Variants in KNTC1 observed in about 807,000 individuals in gnomAD.
KNTC1 encodes the protein kinetochore associated 1.
KNTC1 carries 253 observed loss-of-function variants against 314.4 expected under a neutral mutation model. The observed-to-expected ratio is 0.80, with a 90% CI of 0.73 to 0.89. The LOEUF (loss-of-function observed/expected upper bound fraction) is 0.89. Among genes scored for constraint, KNTC1 ranks in the 40% least tolerant of loss-of-function variants. The pLI, the probability that KNTC1 is intolerant of heterozygous loss-of-function variation, is 0.00. For synonymous variants in KNTC1, 901 were observed against 901.4 expected (o/e 1.00, Z 0.01); for missense variants, 2,475 against 2,572.9 (o/e 0.96, Z 0.82).
chr12:122,580,459 T>A (rs543228737), intron 32 of KNTC1, 144 bp from the exon 33 acceptor site: 3 of 521,678 alleles, frequency 5.8e-6, no homozygotes, highest in African/African-American at 4.0e-5. Flanking sequence ...TCTTTTGTAC[T>A]TAGTTACTGT....
rs920452908 is a variant in KNTC1, at chr12:122,541,279, G to A, written c.446-771G>A. ...TTTGTGCTTGCCTGCCTGCCTGCCT[G>A]CCTGCCTGCCTTCCTTCCTTCCTTC... is the stretch of plus-strand genomic sequence containing the variant. On this transcript the variant is annotated intron_variant, in intron 5 of 63. Coordinates refer to ENST00000333479, the MANE Select transcript of KNTC1 (RefSeq NM_014708.6). 2.0e-5 allele frequency among the ~76,000 whole-genome samples: 2 copies of A among 102,430 alleles called. 1 individual carries two copies. The highest frequency in any genetic ancestry group is 8.3e-5 in the African/African-American group (2 of 23,958). The allele number at this position is 102,430 out of a possible 152,430, so 67.2% of individuals were successfully genotyped here.
At chr12:122,594,524 A>G in intron 43 of KNTC1, 139 bp downstream of exon 43, 3 of 600,692 alleles carry the variant, frequency 5.0e-6, no homozygotes, top group East Asian at 5.6e-5. Flanking sequence ...CTGAGTAAAT[A>G]TGAAATCAGA....
At chr12:122,591,554 A>G (rs1161133244) in intron 42 of KNTC1, 101 bp downstream of exon 42, 2 of 730,646 alleles carry the variant, frequency 2.7e-6, no homozygotes, top group East Asian at 5.1e-5. Context: ...AGGAGAGTGT[A>G]TGTGTACTGC....
chr12:122,612,578 C>A (rs1197042693), intron 53 of KNTC1, among the ~76,000 whole-genome samples: 1 of 151,722 alleles, frequency 6.6e-6, no homozygotes, highest in African/African-American at 2.4e-5. Context: ...GCTACCACAC[C>A]CGGCTAATTT....
rs1566021603 is a variant in KNTC1, at chr12:122,618,549, A to T, written c.6149+4A>T. The T allele has an allele frequency of 1.2e-6, 2 of 1,608,536 alleles. No individual in the cohort carries two copies. The highest frequency in any genetic ancestry group is 3.3e-5 in the Admixed American group (2 of 59,886). On this transcript the variant is annotated splice_donor_region_variant and intron_variant, in intron 59 of 63. Transcript: ENST00000333479. ...AGAGTCTCATCGCTGTCCTCGAGTA[A>T]GCAAAATATTTGTTCTACCAAAAAA...
At chr12:122,621,817 C>T (rs555176921) in intron 60 of KNTC1, 64 bp from the exon 61 acceptor site, 37 of 1,053,300 alleles carry the variant, frequency 3.5e-5, no homozygotes, top group Middle Eastern at 2.0e-4. Flanking sequence ...ACCTGATCAA[C>T]GGCTCTTGCT....
intron 6 of KNTC1, among the ~76,000 whole-genome samples, chr12:122,542,420 C>A (rs766905830): frequency 2.0e-5 from 3 of 152,108 alleles, no homozygotes; most frequent in Non-Finnish European, 4.4e-5. Flanking sequence ...ATAGTAAATA[C>A]TTTTTAATGT....
intron 35 of KNTC1, 134 bp from the exon 36 acceptor site, chr12:122,584,759 C>G: frequency 1.7e-6 from 1 of 582,178 alleles, no homozygotes; most frequent in East Asian, 3.0e-5. Flanking sequence ...TTAGGGTAGT[C>G]AAAGCTATAT....
At chr12:122,588,298 C>A (rs1411053856) in intron 39 of KNTC1, among the ~76,000 whole-genome samples, 2 of 152,132 alleles carry the variant, frequency 1.3e-5, no homozygotes, top group Admixed American at 6.5e-5. Context: ...TATCATTGAG[C>A]ATCATTGAAG....
In KNTC1 at chr12:122,613,181, G is replaced by C; in HGVS notation, c.5692G>C (p.Asp1898His). 1 of 1,613,080 alleles carries C rather than the reference G, an allele frequency of 6.2e-7. No individual in the cohort carries two copies. The highest frequency in any genetic ancestry group is 8.5e-7 in the Non-Finnish European group (1 of 1,179,164). ...RALQCLFYLA[D>H]KETIESLFKK... Reference sequence around the variant, plus strand: ...TCTTCAGTGTCTCTTCTATTTGGCTGACAAGGAAACTATAGAATCTCTCTT... The same window carrying C: ...TCTTCAGTGTCTCTTCTATTTGGCTCACAAGGAAACTATAGAATCTCTCTT... The change falls in exon 54 of 64, where the codon GAC becomes CAC. Residue 1898 changes from aspartate to histidine, a missense_variant. Transcript: ENST00000333479.
chr12:122,547,562 C>G (rs764342951), intron 11 of KNTC1, 32 bp downstream of exon 11: 2 of 1,314,900 alleles, frequency 1.5e-6, no homozygotes, highest in Admixed American at 3.6e-5. Context: ...TAGTCATTTC[C>G]CTTCTGTTAG....
intron 18 of KNTC1, among the ~76,000 whole-genome samples, chr12:122,561,083 G>A (rs747488892): frequency 5.9e-5 from 9 of 152,282 alleles, no homozygotes; most frequent in Non-Finnish European, 8.8e-5. Context: ...AGGCCCAGGA[G>A]AGCAGAGCAC....
chr12:122,588,316 A>G (rs1483905484), intron 39 of KNTC1, among the ~76,000 whole-genome samples: 1 of 152,198 alleles, frequency 6.6e-6, no homozygotes, highest in Non-Finnish European at 1.5e-5. Flanking sequence ...AAGAGATTCT[A>G]GAAGACAAAC....
intron 3 of KNTC1, 34 bp downstream of exon 3, chr12:122,534,818 T>C (rs773808931): frequency 1.9e-6 from 3 of 1,596,616 alleles, no homozygotes; most frequent in Non-Finnish European, 2.6e-6. Flanking sequence ...GTAAGATAAA[T>C]TGGAAGTCAA....
intron 32 of KNTC1, 27 bp from the exon 33 acceptor site, chr12:122,580,576 C>T: frequency 7.2e-7 from 1 of 1,380,246 alleles, no homozygotes; most frequent in African/African-American, 1.4e-5. Context: ...TGCATGTCTG[C>T]TATAACTTTT....
chr12:122,566,653 G>A (rs746049399), intron 20 of KNTC1, among the ~76,000 whole-genome samples: 1 of 151,538 alleles, frequency 6.6e-6, no homozygotes, highest in Non-Finnish European at 1.5e-5. Flanking sequence ...CAAGTGATCT[G>A]CCCGCCTTGG....
chr12:122,580,577 T>TATAA (rs1360217450), intron 32 of KNTC1, 26 bp from the exon 33 acceptor site: 11 of 1,397,220 alleles, frequency 7.9e-6, no homozygotes, highest in Non-Finnish European at 1.1e-5. Context: ...GCATGTCTGC[T>TATAA]ATAACTTTTA....
At position 122,605,408 on chromosome 12, in the gene KNTC1, CTGG is replaced by C; in HGVS notation, c.5492_5494del (p.Gly1831del). On this transcript the variant is annotated inframe_deletion, in exon 51 of 64. Coordinates refer to ENST00000333479, the MANE Select transcript of KNTC1 (RefSeq NM_014708.6). Reference sequence around the variant, plus strand: ...AAATGGCTATGCCCTTCAACAAAACCTGGTGAAGTAAGTACTTGCTGCCCAAGA... The same window carrying C: ...AAATGGCTATGCCCTTCAACAAAACCTGAAGTAAGTACTTGCTGCCCAAGA... The C allele has an allele frequency of 6.4e-7, 1 of 1,558,958 alleles. No homozygotes were observed. The highest frequency in any genetic ancestry group is 8.8e-7 in the Non-Finnish European group (1 of 1,137,906).
At chr12:122,616,994 A>G (rs982793098) in intron 57 of KNTC1, among the ~76,000 whole-genome samples, 2 of 152,182 alleles carry the variant, frequency 1.3e-5, no homozygotes. Context: ...ACTATGTGGG[A>G]TTTTGTGTCC....
Sources: allele counts gnomAD v4.1 joint callset (sites outside exome capture counted in the v4.1 genomes callset), GRCh38; gene constraint gnomAD v4.1.1; transcripts MANE v1.5; gene names NCBI Gene and HGNC (gene_info 2026-07-23, HGNC 2026-07-21).